NACC2: variants seen among roughly 807,000 people sequenced by gnomAD.
NACC2 encodes the protein nucleus accumbens-associated protein 2.
A neutral mutation model predicts 25.1 loss-of-function variants in NACC2; 8 were observed. That is an observed-to-expected ratio of 0.32 (90% CI 0.19 to 0.57). NACC2 has a LOEUF of 0.57. Among genes scored for constraint, NACC2 ranks in the 20% least tolerant of loss-of-function variants. The probability of loss-of-function intolerance (pLI) is 0.89; values close to 1 mark genes in which losing one functional copy is unlikely to be tolerated. For missense variants in NACC2, 644 were observed against 650.2 expected (o/e 0.99, Z 0.10); for synonymous variants, 435 against 294.7 (o/e 1.48, Z -4.88).
At position 136,013,263 on chromosome 9, in the gene NACC2, G is replaced by A; in HGVS notation, c.1191C>T (p.Ile397=). The A allele has an allele frequency of 6.2e-7, 1 of 1,612,542 alleles. No homozygotes were observed. The part of the protein sequence containing the change: ...NTLANSCGTG[I]RSSTSDPSRK... ...GGCTGGGGTCGCTGGTGGACGAGCG[G>A]ATGCCAGTCCCGCAGCTGTTGGCCA... Residue 397 remains isoleucine (I), a synonymous_variant, in exon 5 of 6, where the codon ATC becomes ATT. Coordinates refer to ENST00000277554, the MANE Select transcript of NACC2 (RefSeq NM_144653.5). This position sits in a 1 kb window ranked among gnomAD's most constrained non-coding sequence, Gnocchi z 6.6.
At position 136,020,006 on chromosome 9, in the gene NACC2, C is replaced by T. The variant is rs989055780; in HGVS notation, c.887-3577G>A. 2.7e-5 allele frequency among the ~76,000 whole-genome samples: 4 copies of T among 149,502 alleles called. No homozygotes were observed. The highest frequency in any genetic ancestry group is 4.4e-5 in the Non-Finnish European group (3 of 67,492). The stretch of plus-strand genomic sequence containing the variant: ...TGGGTGCCGGGGCTGGGTGGGGGAA[C>T]GGGGAGGGACCGTTTCATGGGGATG... On this transcript the variant is annotated intron_variant, in intron 2 of 5. Transcript: ENST00000277554. The surrounding 1 kb of genome is among the most constrained non-coding windows in gnomAD (Gnocchi z 4.7).
intron 1 of NACC2, among the ~76,000 whole-genome samples, chr9:136,082,311 C>A (rs996443537): frequency 6.6e-6 from 1 of 152,338 alleles, no homozygotes; most frequent in Middle Eastern, 3.4e-3. Context: ...GCAGAGGCCA[C>A]CCCAAGGCCA....
chr9:136,034,233 T>A (rs1840519299), intron 2 of NACC2, among the ~76,000 whole-genome samples: 1 of 152,018 alleles, frequency 6.6e-6, no homozygotes, highest in Non-Finnish European at 1.5e-5. Flanking sequence ...CACTGGAAAG[T>A]AAAACGGGAA....
At chr9:136,094,817 T>A (rs944728301) in intron 1 of NACC2, among the ~76,000 whole-genome samples, 2 of 151,580 alleles carry the variant, frequency 1.3e-5, no homozygotes, top group African/African-American at 2.4e-5. Context: ...GTCGGGTCCC[T>A]GGGGAGGCCG....
In NACC2 at chr9:136,033,526, T is replaced by A. The variant is rs1246260208; in HGVS notation, c.886+16110A>T. ...TTAGCCAGGCGTGGTGGCGGGTGCCTGTAATCCCAGCTACTCGGGAGGCTG... is the reference window on the plus strand; with the variant it reads ...TTAGCCAGGCGTGGTGGCGGGTGCCAGTAATCCCAGCTACTCGGGAGGCTG... On this transcript the variant is annotated intron_variant, in intron 2 of 5. Transcript: ENST00000277554. Among the ~76,000 whole-genome samples the A allele has an allele frequency of 2.6e-5, 4 of 151,426 alleles. No homozygotes were observed. The South Asian group carries it at 8.3e-4, about 32-fold the overall frequency.
Position 136,084,587 on chromosome 9 carries a change from C to A in NACC2, c.-60+10602G>T, listed in dbSNP as rs1452879110. Among the ~76,000 whole-genome samples the A allele has an allele frequency of 1.3e-5, 2 of 152,220 alleles. No homozygotes were observed. Among genetic ancestry groups the A allele is most frequent in the African/African-American group, 4.8e-5 (2 of 41,452 alleles). ...GGCCATGGAAAGGCCACAGAATACA[C>A]CAGGCTGGAAGAGCCCAGAGACACA... On this transcript the variant is annotated intron_variant, in intron 1 of 5. Coordinates refer to ENST00000277554, the MANE Select transcript of NACC2 (RefSeq NM_144653.5). The surrounding 1 kb of genome is among the most constrained non-coding windows in gnomAD (Gnocchi z 5.1).
chr9:136,024,351 GTGTGTGTGTGAGGACAGAAGGTGT>G (rs1840350805), intron 2 of NACC2, among the ~76,000 whole-genome samples: 1 of 139,714 alleles, frequency 7.2e-6, no homozygotes, highest in Non-Finnish European at 1.5e-5. Context: ...AGGACAGAGT[GTGTGTGTGTGAGGACAGAAGGTGT>G]GTGTGTGAGG....
intron 1 of NACC2, among the ~76,000 whole-genome samples, chr9:136,065,488 C>G (rs144589097): frequency 6.6e-6 from 1 of 152,138 alleles, no homozygotes; most frequent in Admixed American, 6.5e-5. Context: ...GATGTGGTGG[C>G]GCACGCCAGT....
At chr9:136,015,520 G>A (rs1840186517) in intron 3 of NACC2, among the ~76,000 whole-genome samples, 1 of 152,208 alleles carries the variant, frequency 6.6e-6, no homozygotes, top group Admixed American at 6.5e-5. Flanking sequence ...TCACACCTGA[G>A]GCACTCGTCC....
intron 1 of NACC2, among the ~76,000 whole-genome samples, chr9:136,058,137 G>C (rs533799382): frequency 6.6e-6 from 1 of 152,184 alleles, no homozygotes; most frequent in Non-Finnish European, 1.5e-5. Context: ...GGAGCCACAC[G>C]CCTCTAGGCC....
chr9:136,013,972 G>A lies in NACC2; in HGVS notation c.1052-3C>T. The A allele has an allele frequency of 6.5e-7, 1 of 1,529,174 alleles. No individual in the cohort carries two copies. The highest frequency in any genetic ancestry group is 1.4e-5 in the African/African-American group (1 of 71,858). 94.7% of individuals were successfully genotyped at this position (1,529,174 alleles called of 1,614,324 possible). A position where few individuals can be genotyped will look rare whatever the true frequency, so the allele number is the denominator to read the frequency against. On this transcript the variant is annotated splice_region_variant and splice_polypyrimidine_tract_variant and intron_variant, in intron 3 of 5. Transcript: ENST00000277554. The surrounding 1 kb of genome is among the most constrained non-coding windows in gnomAD (Gnocchi z 6.6). ...GCGTGTGATGTAGACCCCAGAGCCT[G>A]CAGCCACCAAACAGAAAAAGGGCTC...
intron 2 of NACC2, among the ~76,000 whole-genome samples, chr9:136,032,682 A>C (rs868651995): frequency 6.6e-6 from 1 of 152,212 alleles, no homozygotes; most frequent in African/African-American, 2.4e-5. Flanking sequence ...GGATCACTTG[A>C]GATCAGGAGT....
Position 136,013,391 on chromosome 9 carries a change from T to G in NACC2, c.1158-95A>C. ...CACGAATGCCCTGCTGGGAGGCCAC[T>G]TGGCCTCACCCTTGGCTGGTCTGCG... is the stretch of plus-strand genomic sequence containing the variant. On this transcript the variant is annotated intron_variant, in intron 4 of 5. Coordinates refer to ENST00000277554, the MANE Select transcript of NACC2 (RefSeq NM_144653.5). This position sits in a 1 kb window ranked among gnomAD's most constrained non-coding sequence, Gnocchi z 6.6. The G allele has an allele frequency of 8.8e-7, 1 of 1,139,022 alleles. No homozygotes were observed. Among genetic ancestry groups the G allele is most frequent in the Non-Finnish European group, 1.3e-6 (1 of 779,228 alleles). The allele number at this position is 1,139,022 out of a possible 1,614,324, so 70.6% of individuals were successfully genotyped here. A position where few individuals can be genotyped will look rare whatever the true frequency, so the allele number is the denominator to read the frequency against.
At chr9:136,046,875 T>C (rs1325813663) in intron 2 of NACC2, among the ~76,000 whole-genome samples, 1 of 152,164 alleles carries the variant, frequency 6.6e-6, no homozygotes, top group Non-Finnish European at 1.5e-5. Context: ...CAATTAACTT[T>C]ATCTGTAATA....
At chr9:136,057,253 C>T (rs933080139) in intron 1 of NACC2, among the ~76,000 whole-genome samples, 2 of 152,214 alleles carry the variant, frequency 1.3e-5, no homozygotes, top group South Asian at 2.1e-4. Context: ...GCCACCAACA[C>T]GCTCATCTCT....
chr9:136,012,371 G>T (rs775386001), intron 5 of NACC2, among the ~76,000 whole-genome samples: 2 of 152,232 alleles, frequency 1.3e-5, no homozygotes, highest in Non-Finnish European at 2.9e-5. Context: ...CCCCTTTCGG[G>T]AATAACACAC....
At chr9:136,092,917 G>A (rs1265724226) in intron 1 of NACC2, among the ~76,000 whole-genome samples, 2 of 152,352 alleles carry the variant, frequency 1.3e-5, no homozygotes, top group East Asian at 3.9e-4. Flanking sequence ...GTGACCCCAA[G>A]GGGCTGTGAG....
chr9:136,050,565 C>G lies in NACC2; in HGVS notation c.-44G>C, dbSNP rs1840813605. The G allele has an allele frequency of 1.4e-6, 1 of 732,288 alleles. No homozygotes were observed. The highest frequency in any genetic ancestry group is 2.5e-6 in the Non-Finnish European group (1 of 403,140). 45.4% of individuals were successfully genotyped at this position (732,288 alleles called of 1,614,324 possible). The stretch of plus-strand genomic sequence containing the variant: ...GGGCTGGGCTCTCAGCGCGGGGCGG[C>G]CCTAGCGGGGCTCATCTGTGGGGGG... On this transcript the variant is annotated 5_prime_UTR_variant, in exon 2 of 6. Transcript: ENST00000277554.
At chr9:136,017,614 C>A (rs1276125731) in intron 2 of NACC2, among the ~76,000 whole-genome samples, 7 of 152,148 alleles carry the variant, frequency 4.6e-5, no homozygotes, top group Non-Finnish European at 5.9e-5. Flanking sequence ...GATCAGCTCC[C>A]CTGAGCGGGC....
Sources: gnomAD v4.1 joint callset for allele counts (sites outside exome capture counted in the v4.1 genomes callset) on GRCh38, gnomAD v4.1.1 for gene constraint, Gnocchi (gnomAD v3.1) non-coding constraint, MANE v1.5 for transcripts, NCBI Gene and HGNC (gene_info 2026-07-23, HGNC 2026-07-21) for gene names.